MKI67: variants seen among roughly 807,000 people sequenced by gnomAD.
MKI67 encodes the protein proliferation marker protein Ki-67.
In MKI67, 152 loss-of-function variants were observed where a neutral mutation model predicts 233.5. That is an observed-to-expected ratio of 0.65 (90% confidence interval 0.57 to 0.74). The LOEUF (loss-of-function observed/expected upper bound fraction) is 0.74, where lower values mean the gene tolerates loss of function less well. Among genes scored for constraint, MKI67 ranks in the 30% least tolerant of loss-of-function variants. The pLI, the probability that MKI67 is intolerant of heterozygous loss-of-function variation, is 0.00. For missense variants in MKI67, 3,940 were observed against 3,885.2 expected (o/e 1.01, Z -0.37); for synonymous variants, 1,465 against 1,418.5 (o/e 1.03, Z -0.74).
intron 10 of MKI67, 52 bp from the exon 11 acceptor site, chr10:128,111,868 T>C (rs74159190): frequency 6.2e-7 from 1 of 1,607,474 alleles, no homozygotes; most frequent in South Asian, 1.1e-5. Context: ...AAATCCACAC[T>C]GAATGCAAGC....
At chr10:128,121,509 A>G (rs1055364572) in intron 4 of MKI67, among the ~76,000 whole-genome samples, 1 of 87,338 alleles carries the variant, frequency 1.1e-5, no homozygotes, top group Non-Finnish European at 2.0e-5. Context: ...TATAACATAT[A>G]GTATATACTA....
chr10:128,108,683 G>T lies in MKI67; in HGVS notation c.3157C>A (p.His1053Asn). 2 of 1,614,208 alleles carry T rather than the reference G, an allele frequency of 1.2e-6. No individual in the cohort carries two copies. The highest frequency in any genetic ancestry group is 2.2e-5 in the South Asian group (2 of 91,086). Reference protein sequence around the residue: ...KFTRTSGETTHTHREPAGDGK... With the variant: ...KFTRTSGETTNTHREPAGDGK... ...TCTCCTGCTGGCTCTCTGTGCGTGT[G>T]CGTGGTCTCCCCTGACGTCCGTGTG... The change falls in exon 13 of 15, where the codon CAC (histidine) becomes AAC (asparagine). Residue 1053 changes from histidine (H) to asparagine (N), a missense_variant. Transcript: ENST00000368654.
In MKI67 at chr10:128,102,604, A is replaced by G; in HGVS notation, c.9236T>C (p.Leu3079Ser). Residue 3079 changes from leucine to serine, a missense_variant, in exon 13 of 15, where the codon TTA becomes TCA. Physicochemically the swap from Leu to Ser is moderately radical, Grantham distance 145. Coordinates refer to ENST00000368654, the MANE Select transcript of MKI67 (RefSeq NM_002417.5). ...DMKTNKEEHK[L>S]QDSVPENKGI... Reference sequence around the variant, plus strand: ...CTTATTTTCAGGGACCGAGTCTTGTAATTTGTGTTCCTCTTTGTTGGTTTT... The same window carrying G: ...CTTATTTTCAGGGACCGAGTCTTGTGATTTGTGTTCCTCTTTGTTGGTTTT... 6.2e-7 allele frequency: 1 copy of G among 1,613,868 alleles called. No individual in the cohort carries two copies. The highest frequency in any genetic ancestry group is 8.5e-7 in the Non-Finnish European group (1 of 1,179,790).
In MKI67 at chr10:128,108,963, T is replaced by C. The variant is rs746437817; in HGVS notation, c.2877A>G (p.Ala959=). 15 of 1,614,122 alleles carry C rather than the reference T, an allele frequency of 9.3e-6. No individual in the cohort carries two copies. In the South Asian group the frequency reaches 1.6e-4, roughly 18 times the overall value. ...KRSRTWGQKC[A]PMSDLTDLKS... The stretch of plus-strand genomic sequence containing the variant: ...TGAGGTCTGTCAGGTCAGACATTGG[T>C]GCACATTTCTGCCCCCAAGTTCTTG... The change falls in exon 13 of 15, where the codon GCA becomes GCG. Residue 959 remains alanine, a synonymous_variant. Coordinates refer to ENST00000368654, the MANE Select transcript of MKI67 (RefSeq NM_002417.5).
chr10:128,104,254 G>A lies in MKI67; in HGVS notation c.7586C>T (p.Pro2529Leu), dbSNP rs202161009. 4.0e-5 allele frequency: 65 copies of A among 1,613,908 alleles called. No individual in the cohort carries two copies. The highest frequency in any genetic ancestry group is 8.3e-5 in the Admixed American group (5 of 59,990). Residue 2529 changes from proline (P) to leucine (L), a missense_variant, in exon 13 of 15, where the codon CCA becomes CTA. Coordinates refer to ENST00000368654, the MANE Select transcript of MKI67 (RefSeq NM_002417.5). ...TGCTGCTGGGTCCAGGATCTGCTTT[G>A]GAGACTCCTTAAACGCTTTGATGCT... Reference protein sequence around the residue: ...SKSIKAFKESPKQILDPAASV... With the variant: ...SKSIKAFKESLKQILDPAASV...
rs1047387815 is a variant in MKI67 at position 128,097,551 on chromosome 10, G to C, written c.*1639C>G. 6.6e-6 allele frequency: 1 copy of C among 152,112 alleles called. No individual in the cohort carries two copies. Among genetic ancestry groups the C allele is most frequent in the African/African-American group, 2.4e-5 (1 of 41,390 alleles). 9.4% of individuals were successfully genotyped at this position (152,112 alleles called of 1,614,324 possible). On this transcript the variant is annotated 3_prime_UTR_variant, in exon 15 of 15. Transcript: ENST00000368654. ...ATATGGCTGGATGAAATTTTTCTAT[G>C]TGAGGTTCATAATTACTACTAAGTC...
chr10:128,106,978 T>C lies in MKI67; in HGVS notation c.4862A>G (p.Asp1621Gly). Residue 1621 changes from aspartate (D) to glycine (G), a missense_variant, in exon 13 of 15, where the codon GAC becomes GGC. Transcript: ENST00000368654. The part of the protein sequence containing the change: ...AKVACKSSQP[D>G]PDKNPASSKR... Reference sequence around the variant, plus strand: ...GGAGCTTGCTGGGTTTTTGTCTGGGTCTGGTTGTGAAGATTTGCAGGCTAC... The same window carrying C: ...GGAGCTTGCTGGGTTTTTGTCTGGGCCTGGTTGTGAAGATTTGCAGGCTAC... 1 of 1,614,118 alleles carries C rather than the reference T, an allele frequency of 6.2e-7. No homozygotes were observed. The highest frequency in any genetic ancestry group is 8.5e-7 in the Non-Finnish European group (1 of 1,180,042).
intron 4 of MKI67, among the ~76,000 whole-genome samples, chr10:128,121,796 A>T (rs981853528): frequency 1.3e-5 from 2 of 150,300 alleles, no homozygotes; most frequent in African/African-American, 4.9e-5. Context: ...TATATTAAAC[A>T]TTTTTTTTTC....
chr10:128,104,077 G>A lies in MKI67; in HGVS notation c.7763C>T (p.Ser2588Phe). The A allele has an allele frequency of 6.2e-7, 1 of 1,614,014 alleles. No individual in the cohort carries two copies. The highest frequency in any genetic ancestry group is 8.5e-7 in the Non-Finnish European group (1 of 1,180,028). The change falls in exon 13 of 15, where the codon TCT becomes TTT. Residue 2588 changes from serine to phenylalanine, a missense_variant. By Grantham distance (155) the Ser-to-Phe change is radical (BLOSUM62 -2). Transcript: ENST00000368654. The part of the protein sequence containing the change: ...IDKNTKIPCK[S>F]PPPELTDTAT... ...AGTGTCTGTTAGTTCTGGTGGGGGA[G>A]ATTTGCAGGGAATTTTTGTGTTTTT...
intron 4 of MKI67, 26 bp from the exon 5 acceptor site, chr10:128,119,345 C>A (rs761416387): frequency 6.5e-7 from 1 of 1,537,590 alleles, no homozygotes; most frequent in Non-Finnish European, 9.0e-7. Flanking sequence ...CGACAAAGAT[C>A]CTGATTAAAA....
At position 128,122,933 on chromosome 10, in the gene MKI67, G is replaced by C. The variant is rs780452753; in HGVS notation, c.235C>G (p.Pro79Ala). ...ACATCTCCATGTTTTAGCCGTACAG[G>C]CTCATCAATAACAGACCCATTTACT... ...TQVNGSVIDE[P>A]VRLKHGDVIT... The change falls in exon 4 of 15, where the codon CCT becomes GCT. Residue 79 changes from proline to alanine, a missense_variant. By Grantham distance (27) the Pro-to-Ala change is conservative. Transcript: ENST00000368654. 3 of 1,605,652 alleles carry C rather than the reference G, an allele frequency of 1.9e-6. No homozygotes were observed. In the South Asian group the frequency reaches 3.3e-5, roughly 18 times the overall value.
chr10:128,112,572 C>T, intron 8 of MKI67, 127 bp from the exon 9 acceptor site: 2 of 924,358 alleles, frequency 2.2e-6, no homozygotes, highest in Non-Finnish European at 1.6e-6. Flanking sequence ...GCTTAAGCCA[C>T]TGTCTTTGAA....
Position 128,123,014 on chromosome 10 carries a change from G to A in MKI67, c.172-18C>T, listed in dbSNP as rs1852983822. On this transcript the variant is annotated intron_variant, in intron 3 of 14. Coordinates refer to ENST00000368654, the MANE Select transcript of MKI67 (RefSeq NM_002417.5). ...AATATTGCCTGCAAGTGAAAAGAAGGGGAAATATGTAACTAATGAACAGAT... is the reference window on the plus strand; with the variant it reads ...AATATTGCCTGCAAGTGAAAAGAAGAGGAAATATGTAACTAATGAACAGAT... The A allele has an allele frequency of 1.3e-6, 2 of 1,572,430 alleles. No homozygotes were observed. Among genetic ancestry groups the A allele is most frequent in the Non-Finnish European group, 1.7e-6 (2 of 1,143,708 alleles).
chr10:128,125,685 G>T lies in MKI67; in HGVS notation c.-18C>A, dbSNP rs1163162082. The T allele has an allele frequency of 1.2e-6, 2 of 1,607,258 alleles. No individual in the cohort carries two copies. The highest frequency in any genetic ancestry group is 1.3e-5 in the African/African-American group (1 of 74,800). On this transcript the variant is annotated 5_prime_UTR_variant, in exon 2 of 15. Coordinates refer to ENST00000368654, the MANE Select transcript of MKI67 (RefSeq NM_002417.5). This position sits in a 1 kb window ranked among gnomAD's most constrained non-coding sequence, Gnocchi z 5.3. Reference sequence around the variant, plus strand: ...GGCCACATTTTCTAAACAGTAAGTTGAGTATAATCCGTAGGGGAAGGCCAG... The same window carrying T: ...GGCCACATTTTCTAAACAGTAAGTTTAGTATAATCCGTAGGGGAAGGCCAG...
Position 128,100,586 on chromosome 10 carries a change from T to C in MKI67, c.9705+672A>G, listed in dbSNP as rs1045575957. On this transcript the variant is annotated intron_variant, in intron 14 of 14. Coordinates refer to ENST00000368654, the MANE Select transcript of MKI67 (RefSeq NM_002417.5). ...CACAAAAAGGGAGCAATTCAACCTA[T>C]TTTTATTTTAGCTAAACCAAGTATT... 2.6e-5 allele frequency among the ~76,000 whole-genome samples: 4 copies of C among 152,342 alleles called. No homozygotes were observed. The East Asian group carries it at 7.7e-4, about 29-fold the overall frequency.
chr10:128,115,174 C>G lies in MKI67; in HGVS notation c.1234G>C (p.Ala412Pro), dbSNP rs760749806. The G allele has an allele frequency of 6.2e-7, 1 of 1,614,196 alleles. No individual in the cohort carries two copies. The highest frequency in any genetic ancestry group is 1.1e-5 in the South Asian group (1 of 91,086). Residue 412 changes from alanine to proline, a missense_variant, in exon 7 of 15, where the codon GCC becomes CCC. Ala to Pro is a conservative substitution (Grantham distance 27, BLOSUM62 -1). Transcript: ENST00000368654. ...PAKVEDAADS[A>P]TKPENLSSKT... ...GAAGAGAGATTTTCTGGCTTAGTGG[C>G]AGAGTCAGCTGCATCTTCAACTTTA...
chr10:128,114,182 C>G (rs1283169988), intron 7 of MKI67, among the ~76,000 whole-genome samples: 4 of 152,216 alleles, frequency 2.6e-5, no homozygotes, highest in Non-Finnish European at 5.9e-5. Context: ...CTATAGGCCA[C>G]CTGCAGAAAC....
At position 128,108,222 on chromosome 10, in the gene MKI67, G is replaced by A. The variant is rs144673755; in HGVS notation, c.3618C>T (p.Gly1206=). 2.5e-6 allele frequency: 4 copies of A among 1,611,398 alleles called. No homozygotes were observed. The highest frequency in any genetic ancestry group is 3.3e-5 in the Admixed American group (2 of 59,762). The change falls in exon 13 of 15, where the codon GGC becomes GGT. Residue 1206 remains glycine (G), a synonymous_variant. Coordinates refer to ENST00000368654, the MANE Select transcript of MKI67 (RefSeq NM_002417.5). ...QKLDLAGTLP[G]SKRQLQTPKE... ...TAGGAGTCTGTAGCTGTCTTTTGCTGCCAGGTAAAGTTCCTGCCAGGTCCA... is the reference window on the plus strand; with the variant it reads ...TAGGAGTCTGTAGCTGTCTTTTGCTACCAGGTAAAGTTCCTGCCAGGTCCA...
intron 2 of MKI67, among the ~76,000 whole-genome samples, chr10:128,124,485 T>C (rs1853015255): frequency 6.6e-6 from 1 of 152,120 alleles, no homozygotes; most frequent in African/African-American, 2.4e-5. Context: ...TCCTGGAAGG[T>C]TAGATGACCC....
Sources: allele counts gnomAD v4.1 joint callset (sites outside exome capture counted in the v4.1 genomes callset), GRCh38; gene constraint gnomAD v4.1.1; non-coding constraint Gnocchi (gnomAD v3.1); transcripts MANE v1.5; gene names NCBI Gene and HGNC (gene_info 2026-07-23, HGNC 2026-07-21).